The following CLDN16 variants were observed in gnomAD, a reference collection of about 807,000 sequenced individuals.
CLDN16 encodes claudin-16.
A neutral mutation model predicts 24.6 loss-of-function variants in CLDN16; 13 were observed. The ratio of observed to expected loss-of-function variants is 0.53; its 90% CI spans 0.34 to 0.84. The LOEUF is 0.84. Among genes scored for constraint, CLDN16 ranks in the 40% least tolerant of loss-of-function variants. CLDN16 has a pLI of 0.01. For missense variants in CLDN16, 298 were observed against 292.7 expected (o/e 1.02, Z -0.13); for synonymous variants, 116 against 106.7 (o/e 1.09, Z -0.54).
upstream of CLDN16, chr3:190,387,801 G>GAA (rs1718542089): frequency 5.6e-6 from 2 of 359,936 alleles, no homozygotes; most frequent in Admixed American, 8.0e-5. Context: ...CCAGTGGCCT[G>GAA]TCTGTCTAAA....
intron 1 of CLDN16, among the ~76,000 whole-genome samples, chr3:190,389,238 G>T (rs1272828295): frequency 6.6e-6 from 1 of 152,142 alleles, no homozygotes; most frequent in Non-Finnish European, 1.5e-5. Context: ...AGAATTAGCT[G>T]CTGTTCATTA....
At chr3:190,332,014 T>C (rs1717191561) in intron 1 of CLDN16, among the ~76,000 whole-genome samples, 1 of 152,152 alleles carries the variant, frequency 6.6e-6, no homozygotes, top group African/African-American at 2.4e-5. Flanking sequence ...TTTACCTCCT[T>C]CTGACATTTA....
chr3:190,305,572 T>C, the CLDN16 span: 1 of 152,142 alleles, frequency 6.6e-6, no homozygotes, highest in East Asian at 1.9e-4. Context: ...GTGGAGCCAC[T>C]CAAATTTGAT....
At chr3:190,352,996 C>A (rs900705931) in intron 1 of CLDN16, among the ~76,000 whole-genome samples, 3 of 151,994 alleles carry the variant, frequency 2.0e-5, no homozygotes, top group Non-Finnish European at 2.9e-5. Context: ...CCCTTAAGTA[C>A]AATTTAATTT....
At chr3:190,406,725 T>C (rs1271390313) in intron 3 of CLDN16, among the ~76,000 whole-genome samples, 1 of 150,672 alleles carries the variant, frequency 6.6e-6, no homozygotes, top group Admixed American at 6.6e-5. Context: ...AAAGGTTATG[T>C]GTTTATTATC....
At chr3:190,395,787 TA>T (rs1272295752) in intron 1 of CLDN16, among the ~76,000 whole-genome samples, 1 of 152,074 alleles carries the variant, frequency 6.6e-6, no homozygotes, top group African/African-American at 2.4e-5. Context: ...TTTATAATCT[TA>T]ATGCATATTG....
chr3:190,379,975 G>GTCTATCA (rs144203820), intron 3 of CLDN16, among the ~76,000 whole-genome samples: 11,909 of 149,088 alleles, frequency 0.08, 670 homozygotes, highest in Non-Finnish European at 0.12. Flanking sequence ...TATCAACTCT[G>GTCTATCA]TCTATCTATC....
intron 1 of CLDN16, among the ~76,000 whole-genome samples, chr3:190,347,887 A>G (rs1489597792): frequency 6.6e-6 from 1 of 152,054 alleles, no homozygotes; most frequent in East Asian, 1.9e-4. Context: ...AGGAACAGAA[A>G]AAAAGGTCTG....
At position 190,390,704 on chromosome 3, in the gene CLDN16, T is replaced by C. The variant is rs541261196; in HGVS notation, c.114+2261T>C. ...TCCACAAATTTGAAGGTTCTGATGC[T>C]AGCTCAATTGCTCTTCTCTTTTCTT... On this transcript the variant is annotated intron_variant, in intron 1 of 4. Coordinates refer to ENST00000264734, the MANE Select transcript of CLDN16 (RefSeq NM_006580.4). 2.0e-5 allele frequency among the ~76,000 whole-genome samples: 3 copies of C among 152,328 alleles called. No homozygotes were observed. In the South Asian group the frequency reaches 6.2e-4, roughly 32 times the overall value.
rs544265776 is a variant in CLDN16, at chr3:190,378,423, G to T, written n.306+3820G>T. Among the ~76,000 whole-genome samples the T allele has an allele frequency of 3.3e-5, 5 of 152,106 alleles. No individual in the cohort carries two copies. The South Asian group carries it at 1.0e-3, about 32-fold the overall frequency. On this transcript the variant is annotated intron_variant and non_coding_transcript_variant, in intron 3 of 4. Transcript: ENST00000468220. ...CAATAGAACCTTCTACCTTTCATGAGTGATGCTTCCCTGAGGGCTGATCAC... is the reference window on the plus strand; with the variant it reads ...CAATAGAACCTTCTACCTTTCATGATTGATGCTTCCCTGAGGGCTGATCAC...
upstream of CLDN16, chr3:190,322,402 T>A: frequency 1.6e-6 from 1 of 612,518 alleles, no homozygotes; most frequent in South Asian, 1.9e-5. Context: ...CGCTGGAGTC[T>A]GGATACTAGA....
At chr3:190,402,632 T>C (rs1349206844) in intron 2 of CLDN16, among the ~76,000 whole-genome samples, 193 bp downstream of exon 2, 1 of 152,198 alleles carries the variant, frequency 6.6e-6, no homozygotes, top group African/African-American at 2.4e-5. Context: ...TCTTTTCTCA[T>C]ATATTTGTAA....
At chr3:190,293,992 G>T in the CLDN16 span, among the ~76,000 whole-genome samples, 1 of 152,184 alleles carries the variant, frequency 6.6e-6, no homozygotes, top group African/African-American at 2.4e-5. Context: ...ATAAACAAAT[G>T]ATTCTGGAGT....
chr3:190,324,262 C>A (rs966190338), intron 1 of CLDN16, among the ~76,000 whole-genome samples: 5 of 152,132 alleles, frequency 3.3e-5, no homozygotes, highest in African/African-American at 4.8e-5. Context: ...GCAGGCGGAT[C>A]ACTTGAGATC....
chr3:190,365,455 G>T (rs991871796), intron 1 of CLDN16, among the ~76,000 whole-genome samples: 2 of 150,736 alleles, frequency 1.3e-5, no homozygotes, highest in Non-Finnish European at 3.0e-5. Context: ...TGACCATTTT[G>T]CTATGCACAC....
chr3:190,402,219 C>T (rs1198025819), intron 1 of CLDN16, 118 bp from the exon 2 acceptor site: 2 of 787,286 alleles, frequency 2.5e-6, no homozygotes, highest in African/African-American at 3.4e-5. Context: ...AAGTTCTGAT[C>T]ACATGTGTAA....
chr3:190,367,319 C>A (rs1236776224), intron 1 of CLDN16, among the ~76,000 whole-genome samples: 3 of 151,862 alleles, frequency 2.0e-5, no homozygotes, highest in Non-Finnish European at 4.4e-5. Context: ...TATTTTGTGA[C>A]CTTTTAGATA....
chr3:190,380,416 T>C (rs1178454373), intron 3 of CLDN16, among the ~76,000 whole-genome samples: 1 of 152,078 alleles, frequency 6.6e-6, no homozygotes, highest in Non-Finnish European at 1.5e-5. Flanking sequence ...CAATTTGGGC[T>C]TCACAAAGTT....
the CLDN16 span, chr3:190,310,126 A>G: frequency 5.2e-6 from 8 of 1,531,810 alleles, no homozygotes; most frequent in African/African-American, 2.7e-5. Context: ...TAAAAAGGGC[A>G]TTTTCTCAGA....
Sources: allele counts gnomAD v4.1 joint callset (sites outside exome capture counted in the v4.1 genomes callset), GRCh38; gene constraint gnomAD v4.1.1; transcripts MANE v1.5; gene names NCBI Gene and HGNC (gene_info 2026-07-23, HGNC 2026-07-21).